Variants in THBS1 observed in about 807,000 individuals in gnomAD.
THBS1 encodes the protein thrombospondin 1.
A neutral mutation model predicts 126.1 loss-of-function variants in THBS1; 29 were observed. The observed-to-expected ratio is 0.23, with a 90% CI of 0.17 to 0.31. The LOEUF is 0.31. Among genes scored for constraint, THBS1 ranks in the 10% least tolerant of loss-of-function variants. The pLI is 1.00. For synonymous variants in THBS1, 496 were observed against 577.8 expected, an observed-to-expected ratio of 0.86 and a Z score of 2.03; for missense variants, 1,198 against 1,545.2, an observed-to-expected ratio of 0.78 and a Z score of 3.77.
Position 39,596,804 on chromosome 15 carries a change from G to A in THBS1, c.*1435G>A, listed in dbSNP as rs1320152011. 6.6e-6 allele frequency: 1 copy of A among 152,148 alleles called. No individual in the cohort carries two copies. Among genetic ancestry groups the A allele is most frequent in the Non-Finnish European group, 1.5e-5 (1 of 68,030 alleles). The allele number at this position is 152,148 out of a possible 1,614,324, so 9.4% of individuals were successfully genotyped here. On this transcript the variant is annotated 3_prime_UTR_variant, in exon 22 of 22. Transcript: ENST00000260356. Reference sequence around the variant, plus strand: ...CCCATCCCTTGTGCATATTTCCAGGGAGAAGGAAAGCATATACACTTTTTT... The same window carrying A: ...CCCATCCCTTGTGCATATTTCCAGGAAGAAGGAAAGCATATACACTTTTTT...
At chr15:39,584,718 A>G (rs1459718885) in intron 6 of THBS1, among the ~76,000 whole-genome samples, 1 of 149,304 alleles carries the variant, frequency 6.7e-6, no homozygotes, top group African/African-American at 2.5e-5. Flanking sequence ...AATGTCAGGT[A>G]AATAAAACCT....
rs1284397260 is a variant in THBS1 at position 39,589,397 on chromosome 15, T to G, written c.1926+43T>G. 1 of 1,603,730 alleles carries G rather than the reference T, an allele frequency of 6.2e-7. No individual in the cohort carries two copies. Among genetic ancestry groups the G allele is most frequent in the East Asian group, 2.2e-5 (1 of 44,690 alleles). On this transcript the variant is annotated intron_variant, in intron 12 of 21. Transcript: ENST00000260356. This position sits in a 1 kb window ranked among gnomAD's most constrained non-coding sequence, Gnocchi z 4.7. ...AGTAAACCAGAGGACAGGAGAGCTGTCCTTGACCAAAATAACTGGGAGCGG... is the reference window on the plus strand; with the variant it reads ...AGTAAACCAGAGGACAGGAGAGCTGGCCTTGACCAAAATAACTGGGAGCGG...
intron 1 of THBS1, 105 bp from the exon 2 acceptor site, chr15:39,581,724 G>T: frequency 1.6e-6 from 1 of 620,854 alleles, no homozygotes; most frequent in African/African-American, 1.9e-5. Flanking sequence ...CGGGGTCAAA[G>T]AGGGATGGTC....
intron 8 of THBS1, among the ~76,000 whole-genome samples, 195 bp from the exon 9 acceptor site, chr15:39,587,847 G>A (rs535493005): frequency 2.6e-5 from 4 of 152,316 alleles, no homozygotes; most frequent in South Asian, 4.1e-4. Flanking sequence ...TAAAAACAGC[G>A]AACTTATCCG....
Position 39,587,496 on chromosome 15 carries a change from C to T in THBS1, c.1270C>T (p.His424Tyr). Reference sequence around the variant, plus strand: ...CTCCTCGGTCCAGACACGGACCTGCCACATTCAGGAGTGTGACAAGAGATG... The same window carrying T: ...CTCCTCGGTCCAGACACGGACCTGCTACATTCAGGAGTGTGACAAGAGATG... ...EGSSVQTRTC[H>Y]IQECDKRFKQ... The change falls in exon 8 of 22, where the codon CAC (histidine) becomes TAC (tyrosine). Residue 424 changes from histidine to tyrosine, a missense_variant. Transcript: ENST00000260356. The T allele has an allele frequency of 6.2e-7, 1 of 1,613,460 alleles. No individual in the cohort carries two copies. Among genetic ancestry groups the T allele is most frequent in the Non-Finnish European group, 8.5e-7 (1 of 1,179,706 alleles).
intron 4 of THBS1, 33 bp downstream of exon 4, chr15:39,583,725 G>A (rs747425261): frequency 2.5e-5 from 39 of 1,590,714 alleles, no homozygotes; most frequent in Admixed American, 1.2e-4. Flanking sequence ...GGCACATAGG[G>A]AATCAGGGGG....
rs890472051 is a variant in THBS1 at position 39,584,537 on chromosome 15, C to A, written c.1026+115C>A. The A allele has an allele frequency of 1.0e-5, 14 of 1,377,872 alleles. No individual in the cohort carries two copies. In the African/African-American group the frequency reaches 1.5e-4, roughly 14 times the overall value. 85.4% of individuals were successfully genotyped at this position (1,377,872 alleles called of 1,614,324 possible). ...CTTTTTATGTTCCATGGCCTGATAA[C>A]AAAGTGTTTTTTTTTTCTTTAAGAT... On this transcript the variant is annotated intron_variant, in intron 6 of 21. Coordinates refer to ENST00000260356, the MANE Select transcript of THBS1 (RefSeq NM_003246.4).
At chr15:39,591,447 T>C in intron 15 of THBS1, 58 bp from the exon 16 acceptor site, 1 of 1,610,448 alleles carries the variant, frequency 6.2e-7, no homozygotes, top group Non-Finnish European at 8.5e-7. Flanking sequence ...GTATGCACTT[T>C]GGTGGAAACA....
At position 39,589,779 on chromosome 15, in the gene THBS1, G is replaced by T. The variant is rs374189206; in HGVS notation, c.1927-26G>T. ...ATCTGAGGATTCTCAAAAGCTCTGT[G>T]TAACAGCAGCATGGTGTACCCTCAG... On this transcript the variant is annotated intron_variant, in intron 12 of 21. Coordinates refer to ENST00000260356, the MANE Select transcript of THBS1 (RefSeq NM_003246.4). The surrounding 1 kb of genome is among the most constrained non-coding windows in gnomAD (Gnocchi z 4.7). The T allele has an allele frequency of 1.8e-5, 28 of 1,567,772 alleles. No individual in the cohort carries two copies. The highest frequency in any genetic ancestry group is 1.7e-4 in the Middle Eastern group (1 of 5,842).
rs558131788 is a variant in THBS1 at position 39,599,268 on chromosome 15, A to T, written c.*3899A>T. On this transcript the variant is annotated 3_prime_UTR_variant, in exon 22 of 22. Transcript: ENST00000260356. The stretch of plus-strand genomic sequence containing the variant: ...GAATTACGTTACAGACTTAGTTACC[A>T]GTCCTTGTTAGAGTTACCTTCAGTT... 5 of 152,322 alleles carry T rather than the reference A, an allele frequency of 3.3e-5. No homozygotes were observed. The highest frequency in any genetic ancestry group is 3.4e-3 in the Middle Eastern group (1 of 294). The allele number at this position is 152,322 out of a possible 1,614,324, so 9.4% of individuals were successfully genotyped here.
Position 39,582,321 on chromosome 15 carries a change from C to T in THBS1, c.196C>T (p.Leu66=), listed in dbSNP as rs750431794. The T allele has an allele frequency of 6.8e-5, 109 of 1,614,106 alleles. No homozygotes were observed. Among genetic ancestry groups the T allele is most frequent in the Non-Finnish European group, 9.0e-5 (106 of 1,180,048 alleles). ...AGCTTTCCGCATCGAGGATGCCAAC[C>T]TGATCCCCCCTGTGCCTGATGACAA... The part of the protein sequence containing the change: ...SPAFRIEDAN[L]IPPVPDDKFQ... Residue 66 remains leucine, a synonymous_variant, in exon 3 of 22, where the codon CTG becomes TTG. Coordinates refer to ENST00000260356, the MANE Select transcript of THBS1 (RefSeq NM_003246.4).
chr15:39,584,493 C>T, intron 6 of THBS1, 71 bp downstream of exon 6: 1 of 1,582,120 alleles, frequency 6.3e-7, no homozygotes, highest in Non-Finnish European at 8.6e-7. Flanking sequence ...GGGGAAATAC[C>T]CTAATCGCCA....
Position 39,591,223 on chromosome 15 carries a change from G to T in THBS1, c.2286G>T (p.Gln762His), listed in dbSNP as rs749280837. The stretch of plus-strand genomic sequence containing the variant: ...GTCCATTCCATTACAACCCAGCTCA[G>T]TATGACTATGACAGAGATGATGTGG... ...DNCPFHYNPA[Q>H]YDYDRDDVGD... Residue 762 changes from glutamine to histidine, a missense_variant, in exon 15 of 22, where the codon CAG becomes CAT. Transcript: ENST00000260356. 1.9e-5 allele frequency: 30 copies of T among 1,614,044 alleles called. No homozygotes were observed. Among genetic ancestry groups the T allele is most frequent in the Non-Finnish European group, 2.3e-5 (27 of 1,180,036 alleles).
Position 39,587,473 on chromosome 15 carries a change from C to G in THBS1, c.1247C>G (p.Ser416Cys). 2 of 1,613,648 alleles carry G rather than the reference C, an allele frequency of 1.2e-6. No homozygotes were observed. Among genetic ancestry groups the G allele is most frequent in the Non-Finnish European group, 1.7e-6 (2 of 1,179,922 alleles). Reference sequence around the variant, plus strand: ...AGCCTCAACAACCGATGTGAGGGCTCCTCGGTCCAGACACGGACCTGCCAC... The same window carrying G: ...AGCCTCAACAACCGATGTGAGGGCTGCTCGGTCCAGACACGGACCTGCCAC... ...CDSLNNRCEG[S>C]SVQTRTCHIQ... Residue 416 changes from serine (S) to cysteine (C), a missense_variant, in exon 8 of 22, where the codon TCC (serine) becomes TGC (cysteine). Coordinates refer to ENST00000260356, the MANE Select transcript of THBS1 (RefSeq NM_003246.4).
chr15:39,584,119 A>T lies in THBS1; in HGVS notation c.835A>T (p.Ser279Cys). 6.2e-7 allele frequency: 1 copy of T among 1,614,254 alleles called. No homozygotes were observed. Among genetic ancestry groups the T allele is most frequent in the South Asian group, 1.1e-5 (1 of 91,080 alleles). Residue 279 changes from serine (S) to cysteine (C), a missense_variant, in exon 5 of 22, where the codon AGC (serine) becomes TGC (cysteine). Coordinates refer to ENST00000260356, the MANE Select transcript of THBS1 (RefSeq NM_003246.4). Reference protein sequence around the residue: ...ICGISCDELSSMVLELRGLRT... With the variant: ...ICGISCDELSCMVLELRGLRT... The stretch of plus-strand genomic sequence containing the variant: ...CGGCATCTCCTGTGATGAGCTGTCC[A>T]GCATGGTCCTGGAACTCAGGGGCCT...
chr15:39,589,994 G>A lies in THBS1; in HGVS notation c.2116G>A (p.Val706Met), dbSNP rs566689933. ...CTGGCCCAATGAGAACCTGGTGTGC[G>A]TGGCCAATGCGACTTACCACTGCAA... is the stretch of plus-strand genomic sequence containing the variant. ...DGWPNENLVC[V>M]ANATYHCKKD... Residue 706 changes from valine (V) to methionine (M), a missense_variant, in exon 13 of 22, where the codon GTG becomes ATG. Val to Met is a conservative substitution (Grantham distance 21, BLOSUM62 1). Transcript: ENST00000260356. This position sits in a 1 kb window ranked among gnomAD's most constrained non-coding sequence, Gnocchi z 4.7. 79 of 1,611,016 alleles carry A rather than the reference G, an allele frequency of 4.9e-5. 1 individual carries two copies. Among genetic ancestry groups the A allele is most frequent in the Admixed American group, 2.0e-4 (12 of 59,674 alleles).
In THBS1 at chr15:39,594,952, C is replaced by T. The variant is rs2140351999; in HGVS notation, c.3506-410C>T. ...CATTACTTAAGCTCGCTGAGTCCAACACTGGCTCTACCACAAAATAAGTGC... is the reference window on the plus strand; with the variant it reads ...CATTACTTAAGCTCGCTGAGTCCAATACTGGCTCTACCACAAAATAAGTGC... On this transcript the variant is annotated intron_variant, in intron 21 of 21. Coordinates refer to ENST00000260356, the MANE Select transcript of THBS1 (RefSeq NM_003246.4). The surrounding 1 kb of genome is among the most constrained non-coding windows in gnomAD (Gnocchi z 4.4). 6.6e-6 allele frequency among the ~76,000 whole-genome samples: 1 copy of T among 152,300 alleles called. No individual in the cohort carries two copies. Among genetic ancestry groups the T allele is most frequent in the African/African-American group, 2.4e-5 (1 of 41,556 alleles).
chr15:39,593,967 G>T lies in THBS1; in HGVS notation c.3268-132G>T. On this transcript the variant is annotated intron_variant, in intron 19 of 21. Coordinates refer to ENST00000260356, the MANE Select transcript of THBS1 (RefSeq NM_003246.4). This position sits in a 1 kb window ranked among gnomAD's most constrained non-coding sequence, Gnocchi z 5.9. ...CACACAACAAATATGAGAGGACTTG[G>T]AAAAATTCCCCATTGCAGCCCTCTA... 1 of 1,020,190 alleles carries T rather than the reference G, an allele frequency of 9.8e-7. No individual in the cohort carries two copies. 63.2% of individuals were successfully genotyped at this position (1,020,190 alleles called of 1,614,324 possible). A position where few individuals can be genotyped will look rare whatever the true frequency, so the allele number is the denominator to read the frequency against.
intron 21 of THBS1, 81 bp from the exon 22 acceptor site, chr15:39,595,281 G>T: frequency 2.2e-6 from 2 of 919,560 alleles, no homozygotes; most frequent in East Asian, 2.8e-5. Context: ...TTCCTATGTG[G>T]TTAACTTATT....
Sources: gnomAD v4.1 joint callset for allele counts (sites outside exome capture counted in the v4.1 genomes callset) on GRCh38, gnomAD v4.1.1 for gene constraint, Gnocchi (gnomAD v3.1) non-coding constraint, MANE v1.5 for transcripts, NCBI Gene and HGNC (gene_info 2026-07-23, HGNC 2026-07-21) for gene names.